The following ZAR1L variants were observed in gnomAD, a reference collection of about 807,000 sequenced individuals.
ZAR1L encodes zygote arrest 1 like.
ZAR1L carries 16 observed loss-of-function variants against 30.0 expected under a neutral mutation model. That is an observed-to-expected ratio of 0.53 (90% CI 0.36 to 0.81). The LOEUF is 0.81. ZAR1L is among the 30% of genes least tolerant of loss of function. ZAR1L has a pLI of 0.00. For synonymous variants in ZAR1L, 197 were observed against 166.8 expected (o/e 1.18, Z -1.40); for missense variants, 392 against 417.2 (o/e 0.94, Z 0.53).
chr13:32,310,731 A>G lies in ZAR1L; in HGVS notation c.655T>C (p.Phe219Leu), dbSNP rs1223044525. ...SEPLRRPNFQ[F>L]LEPKYGYFHC... is the part of the protein sequence containing the mutation. ...AAATAGCCATATTTTGGTTCCAAAAACTGAAAATAAAGAAGAAAAGTACTT... is the reference window on the plus strand; with the variant it reads ...AAATAGCCATATTTTGGTTCCAAAAGCTGAAAATAAAGAAGAAAAGTACTT... Residue 219 changes from phenylalanine (F) to leucine (L), a missense_variant and splice_region_variant, in exon 4 of 6, where the codon TTT becomes CTT. Phe to Leu is a conservative substitution (Grantham distance 22). Transcript: ENST00000533490. The G allele has an allele frequency of 2.6e-6, 4 of 1,547,094 alleles. No individual in the cohort carries two copies. Among genetic ancestry groups the G allele is most frequent in the Middle Eastern group, 1.7e-4 (1 of 5,980 alleles).
chr13:32,309,012 T>C (rs1205387633), intron 4 of ZAR1L, among the ~76,000 whole-genome samples: 3 of 149,664 alleles, frequency 2.0e-5, no homozygotes, highest in Non-Finnish European at 4.4e-5. Flanking sequence ...TTTTTTGAGA[T>C]GGAGTTTTGC....
chr13:32,306,391 T>A (rs974600540), intron 5 of ZAR1L, among the ~76,000 whole-genome samples: 1 of 152,118 alleles, frequency 6.6e-6, no homozygotes, highest in African/African-American at 2.4e-5. Context: ...CAAGAAACAC[T>A]ATGAAGCTCA....
At chr13:32,304,479 A>G (rs1351704946) in intron 5 of ZAR1L, among the ~76,000 whole-genome samples, 4 of 152,208 alleles carry the variant, frequency 2.6e-5, no homozygotes, top group Non-Finnish European at 5.9e-5. Context: ...AAAAGACTAG[A>G]GCAGATGTTC....
rs1460499937 is a variant in ZAR1L, at chr13:32,311,381, C to T, written c.545G>A (p.Gly182Glu). 3.9e-6 allele frequency: 6 copies of T among 1,550,826 alleles called. No individual in the cohort carries two copies. The highest frequency in any genetic ancestry group is 5.2e-6 in the Non-Finnish European group (6 of 1,146,982). ...RSGADRQEEPGQLEESGEKDA... is the reference protein window; with the variant it reads ...RSGADRQEEPEQLEESGEKDA... ...TTTCTCCCCCGATTCCTCCAGCTGC[C>T]CGGGCTCCTCCTGCCTGTCAGCTCC... The change falls in exon 3 of 6, where the codon GGG (glycine) becomes GAG (glutamate). Residue 182 changes from glycine to glutamate, a missense_variant. Transcript: ENST00000533490.
rs755815930 is a variant in ZAR1L, at chr13:32,304,026, T to C, written c.823-4A>G. 1.3e-6 allele frequency: 2 copies of C among 1,549,854 alleles called. No individual in the cohort carries two copies. Among genetic ancestry groups the C allele is most frequent in the Non-Finnish European group, 1.7e-6 (2 of 1,146,470 alleles). ...AACAATGAGACTTTGAGCAGGTCTT[T>C]AGGAAACAAAGAAGAGTTTGGACGC... On this transcript the variant is annotated splice_region_variant and splice_polypyrimidine_tract_variant and intron_variant, in intron 5 of 5. Coordinates refer to ENST00000533490, the MANE Select transcript of ZAR1L (RefSeq NM_001136571.2).
chr13:32,310,994 T>C (rs1454924316), intron 3 of ZAR1L, among the ~76,000 whole-genome samples: 2 of 152,198 alleles, frequency 1.3e-5, no homozygotes, highest in Non-Finnish European at 2.9e-5. Flanking sequence ...TGATTTCATG[T>C]ATTACAGACT....
In ZAR1L at chr13:32,303,910, C is replaced by T; in HGVS notation, c.935G>A (p.Gly312Asp). 2 of 1,551,740 alleles carry T rather than the reference C, an allele frequency of 1.3e-6. No homozygotes were observed. The highest frequency in any genetic ancestry group is 1.2e-5 in the South Asian group (1 of 84,054). ...GRCKDKRFSC[G>D]NIYSFKYVM ...CACATATTTAAAGCTGTAAATATTGCCACAGGAGAATCTCTTGTCTTTGCA... is the reference window on the plus strand; with the variant it reads ...CACATATTTAAAGCTGTAAATATTGTCACAGGAGAATCTCTTGTCTTTGCA... The change falls in exon 6 of 6, where the codon GGC becomes GAC. Residue 312 changes from glycine (G) to aspartate (D), a missense_variant. By Grantham distance (94) the Gly-to-Asp change is moderately conservative (BLOSUM62 -1). Transcript: ENST00000533490.
chr13:32,312,456 T>G (rs2072221081), intron 2 of ZAR1L, among the ~76,000 whole-genome samples: 1 of 152,244 alleles, frequency 6.6e-6, no homozygotes, highest in Admixed American at 6.5e-5. Flanking sequence ...ATACCTTCAC[T>G]TCCTTGTTCG....
chr13:32,307,277 A>G (rs373255804), intron 5 of ZAR1L, among the ~76,000 whole-genome samples: 1 of 151,922 alleles, frequency 6.6e-6, no homozygotes, highest in Non-Finnish European at 1.5e-5. Flanking sequence ...GCCGAAGCAC[A>G]TGGATCATGT....
chr13:32,309,996 A>G (rs755252689), intron 4 of ZAR1L, among the ~76,000 whole-genome samples: 1 of 152,220 alleles, frequency 6.6e-6, no homozygotes, highest in Non-Finnish European at 1.5e-5. Flanking sequence ...TCAAATGCTT[A>G]TGGAGGTTAA....
chr13:32,311,276 A>C lies in ZAR1L; in HGVS notation c.650T>G (p.Phe217Cys). 6.5e-7 allele frequency: 1 copy of C among 1,547,810 alleles called. No individual in the cohort carries two copies. Among genetic ancestry groups the C allele is most frequent in the Non-Finnish European group, 8.7e-7 (1 of 1,145,276 alleles). ...AAGAGGGAAGAGAGGATCTACCTGG[A>C]AGTTGGGCCTCCGGAGCGGCTCGGA... ...AASEPLRRPN[F>C]QFLEPKYGYF... Residue 217 changes from phenylalanine (F) to cysteine (C), a missense_variant, in exon 3 of 6, where the codon TTC becomes TGC. By Grantham distance (205) the Phe-to-Cys change is radical. Transcript: ENST00000533490.
intron 2 of ZAR1L, among the ~76,000 whole-genome samples, chr13:32,312,465 C>G (rs1051315403): frequency 6.6e-6 from 1 of 152,176 alleles, no homozygotes; most frequent in Non-Finnish European, 1.5e-5. Flanking sequence ...CTTCCTTGTT[C>G]GTTGTAGCAT....
intron 2 of ZAR1L, 87 bp from the exon 3 acceptor site, chr13:32,312,180 C>T (rs2072218822): frequency 2.2e-6 from 1 of 445,462 alleles, no homozygotes; most frequent in South Asian, 4.0e-5. Context: ...CTTCACTGTT[C>T]GGGAATCTTT....
rs955320788 is a variant in ZAR1L, at chr13:32,313,649, G to A, written c.-169+681C>T. Among the ~76,000 whole-genome samples the A allele has an allele frequency of 4.6e-5, 7 of 152,328 alleles. No individual in the cohort carries two copies. In the East Asian group the frequency reaches 1.2e-3, roughly 25 times the overall value. Reference sequence around the variant, plus strand: ...CCCAAAGTGCTGTGATTACAGGCGTGAGCCACCATGCCCAGCTGGAAATAA... The same window carrying A: ...CCCAAAGTGCTGTGATTACAGGCGTAAGCCACCATGCCCAGCTGGAAATAA... On this transcript the variant is annotated intron_variant, in intron 2 of 5. Coordinates refer to ENST00000533490, the MANE Select transcript of ZAR1L (RefSeq NM_001136571.2).
chr13:32,310,583 C>G, intron 4 of ZAR1L, 56 bp downstream of exon 4: 8 of 1,202,196 alleles, frequency 6.7e-6, no homozygotes, highest in Non-Finnish European at 9.6e-6. Context: ...GATTCTTCCC[C>G]GCTTACCATC....
At chr13:32,314,022 G>A (rs1175487674) in intron 2 of ZAR1L, among the ~76,000 whole-genome samples, 4 of 151,994 alleles carry the variant, frequency 2.6e-5, no homozygotes, top group African/African-American at 9.7e-5. Flanking sequence ...TTCAAACCTG[G>A]GCCTTACTAC....
intron 2 of ZAR1L, among the ~76,000 whole-genome samples, chr13:32,313,306 T>C (rs1006475616): frequency 1.3e-5 from 2 of 152,236 alleles, no homozygotes; most frequent in Non-Finnish European, 2.9e-5. Flanking sequence ...TGTGTACATA[T>C]ACATGTTGTG....
intron 3 of ZAR1L, 129 bp from the exon 4 acceptor site, chr13:32,310,860 G>C (rs1566211238): frequency 2.9e-6 from 2 of 681,058 alleles, no homozygotes; most frequent in East Asian, 5.4e-5. Flanking sequence ...TCAAGACTAC[G>C]GCATTGATTC....
At chr13:32,306,609 A>G (rs529699491) in intron 5 of ZAR1L, among the ~76,000 whole-genome samples, 1 of 152,370 alleles carries the variant, frequency 6.6e-6, no homozygotes, top group South Asian at 2.1e-4. Context: ...TAGAAATTCT[A>G]TATATACCCA....
Sources: allele counts gnomAD v4.1 joint callset (sites outside exome capture counted in the v4.1 genomes callset), GRCh38; gene constraint gnomAD v4.1.1; transcripts MANE v1.5; gene names NCBI Gene and HGNC (gene_info 2026-07-23, HGNC 2026-07-21).